MSANTD4: variants seen among roughly 807,000 people sequenced by gnomAD.
MSANTD4 encodes myb/SANT-like DNA-binding domain-containing protein 4.
In MSANTD4, 13 loss-of-function variants were observed where a neutral mutation model predicts 34.3. The ratio of observed to expected loss-of-function variants is 0.38; its 90% CI spans 0.25 to 0.60. The LOEUF is 0.60. Ranked by LOEUF, MSANTD4 falls within the 20% of genes least tolerant of loss-of-function variation. The pLI, the probability that MSANTD4 is intolerant of heterozygous loss-of-function variation, is 0.63. For missense variants in MSANTD4, 358 were observed against 401.8 expected (o/e 0.89, Z 0.93); for synonymous variants, 137 against 145.2 (o/e 0.94, Z 0.41).
At position 106,009,767 on chromosome 11, in the gene MSANTD4, A is replaced by T. The variant is rs1329579288; in HGVS notation, c.806T>A (p.Val269Asp). 1.2e-6 allele frequency: 2 copies of T among 1,614,008 alleles called. No individual in the cohort carries two copies. Among genetic ancestry groups the T allele is most frequent in the Non-Finnish European group, 1.7e-6 (2 of 1,180,032 alleles). Reference sequence around the variant, plus strand: ...TTCCAAGGACGGTTTCTCTGAATTGACTATCTGTAACCTCAACTTTTCTCT... The same window carrying T: ...TTCCAAGGACGGTTTCTCTGAATTGTCTATCTGTAACCTCAACTTTTCTCT... ...IEREKLRLQI[V>D]NSEKPSLENE... The change falls in exon 3 of 3, where the codon GTC (valine) becomes GAC (aspartate). Residue 269 changes from valine (V) to aspartate (D), a missense_variant. Transcript: ENST00000301919.
intron 2 of MSANTD4, 35 bp from the exon 3 acceptor site, chr11:106,010,145 A>C: frequency 6.7e-7 from 1 of 1,494,244 alleles, no homozygotes; most frequent in Non-Finnish European, 8.9e-7. Context: ...TTCAGTATTG[A>C]CTTCTACTTT....
At chr11:106,014,052 A>G (rs997550492) in intron 1 of MSANTD4, among the ~76,000 whole-genome samples, 1 of 152,228 alleles carries the variant, frequency 6.6e-6, no homozygotes, top group African/African-American at 2.4e-5. Flanking sequence ...CTAAGCAGAC[A>G]AAACCAGTTA....
chr11:106,015,068 C>T (rs886889328), intron 1 of MSANTD4, among the ~76,000 whole-genome samples: 13 of 152,110 alleles, frequency 8.5e-5, no homozygotes, highest in African/African-American at 2.7e-4. Flanking sequence ...CCAACAATAG[C>T]ACTCTTGATA....
At position 106,009,527 on chromosome 11, in the gene MSANTD4, TGGA is replaced by T. The variant is rs777117255; in HGVS notation, c.*5_*7del. The T allele has an allele frequency of 1.2e-5, 19 of 1,578,002 alleles. No individual in the cohort carries two copies. The highest frequency in any genetic ancestry group is 1.6e-5 in the Non-Finnish European group (19 of 1,163,818). On this transcript the variant is annotated 3_prime_UTR_variant, in exon 3 of 3. Coordinates refer to ENST00000301919, the MANE Select transcript of MSANTD4 (RefSeq NM_032424.3). ...TTCAAACATTTGCTAAATGGAAGCC[TGGA>T]AAAATCACTGCAAGTGTCCTTCTTT...
At chr11:106,020,820 T>C (rs1860011330) in intron 1 of MSANTD4, 142 bp downstream of exon 1, 1 of 152,208 alleles carries the variant, frequency 6.6e-6, no homozygotes. Context: ...CTGAAATTGA[T>C]ATTGGGATGC....
intron 1 of MSANTD4, among the ~76,000 whole-genome samples, chr11:106,018,337 T>G (rs540737694): frequency 6.6e-6 from 1 of 152,284 alleles, no homozygotes; most frequent in Non-Finnish European, 1.5e-5. Flanking sequence ...CAATAGAACA[T>G]GTATTTAGTA....
Position 106,009,376 on chromosome 11 carries a change from T to C in MSANTD4, c.*159A>G, listed in dbSNP as rs562588874. ...TGTTTACGCTAGGGCACAGCTTTTA[T>C]ATACTACTTAGGCATACAGTTATCC... On this transcript the variant is annotated 3_prime_UTR_variant, in exon 3 of 3. Transcript: ENST00000301919. 10 of 655,946 alleles carry C rather than the reference T, an allele frequency of 1.5e-5. No homozygotes were observed. Among genetic ancestry groups the C allele is most frequent in the Middle Eastern group, 3.0e-4 (1 of 3,318 alleles). 40.6% of individuals were successfully genotyped at this position (655,946 alleles called of 1,614,324 possible).
At position 106,011,136 on chromosome 11, in the gene MSANTD4, T is replaced by TA. The variant is rs1476555315; in HGVS notation, c.-150-70dup. On this transcript the variant is annotated intron_variant, in intron 1 of 2. Transcript: ENST00000301919. The stretch of plus-strand genomic sequence containing the variant: ...TACAACATACTTCAACCTAATGAAC[T>TA]ATATAATTTTTAAGAGAAACAAAAA... The TA allele has an allele frequency of 3.1e-5, 21 of 671,018 alleles. No individual in the cohort carries two copies. In the African/African-American group the frequency reaches 3.5e-4, roughly 11 times the overall value. 41.6% of individuals were successfully genotyped at this position (671,018 alleles called of 1,614,324 possible).
chr11:106,010,146 CTT>C (rs776240113), intron 2 of MSANTD4, 36 bp from the exon 3 acceptor site: 105 of 1,492,982 alleles, frequency 7.0e-5, no homozygotes, highest in Non-Finnish European at 9.0e-5. Context: ...TCAGTATTGA[CTT>C]CTACTTTGTG....
rs1271737791 is a variant in MSANTD4 at position 106,021,021 on chromosome 11, A to G, written c.-210T>C. The G allele has an allele frequency of 6.6e-6, 1 of 152,190 alleles. No homozygotes were observed. The highest frequency in any genetic ancestry group is 2.4e-5 in the African/African-American group (1 of 41,436). 9.4% of individuals were successfully genotyped at this position (152,190 alleles called of 1,614,324 possible). ...CCTGTCCTCTCCTTTATATGCCGGT[A>G]TCCAAGTAACAGAAGCTTGGGTTTT... is the stretch of plus-strand genomic sequence containing the variant. On this transcript the variant is annotated 5_prime_UTR_variant, in exon 1 of 3. Coordinates refer to ENST00000301919, the MANE Select transcript of MSANTD4 (RefSeq NM_032424.3).
intron 2 of MSANTD4, 62 bp downstream of exon 2, chr11:106,010,394 A>G: frequency 1.3e-6 from 2 of 1,524,850 alleles, no homozygotes; most frequent in Non-Finnish European, 1.7e-6. Flanking sequence ...ACAGTTCCTG[A>G]ACAATAATCT....
rs773755737 is a variant in MSANTD4 at position 106,009,825 on chromosome 11, G to T, written c.748C>A (p.Leu250Ile). Residue 250 changes from leucine to isoleucine, a missense_variant, in exon 3 of 3, where the codon CTT (leucine) becomes ATT (isoleucine). Physicochemically the swap from Leu to Ile is conservative, Grantham distance 5 (BLOSUM62 2). Coordinates refer to ENST00000301919, the MANE Select transcript of MSANTD4 (RefSeq NM_032424.3). ...TGCAGCCGCTCCTTCTCTAGCTGAA[G>T]CCGCTCATGTTCCATGTCTAAATGC... ...LRHLDMEHER[L>I]QLEKERLQIE... is the part of the protein sequence containing the mutation. 1 of 1,614,158 alleles carries T rather than the reference G, an allele frequency of 6.2e-7. No individual in the cohort carries two copies. The highest frequency in any genetic ancestry group is 1.7e-5 in the Admixed American group (1 of 60,022).
chr11:106,009,384 T>C lies in MSANTD4; in HGVS notation c.*151A>G. The stretch of plus-strand genomic sequence containing the variant: ...CTAGGGCACAGCTTTTATATACTAC[T>C]TAGGCATACAGTTATCCACATATAA... On this transcript the variant is annotated 3_prime_UTR_variant, in exon 3 of 3. Coordinates refer to ENST00000301919, the MANE Select transcript of MSANTD4 (RefSeq NM_032424.3). 1.5e-6 allele frequency: 1 copy of C among 684,614 alleles called. No homozygotes were observed. 42.4% of individuals were successfully genotyped at this position (684,614 alleles called of 1,614,324 possible). A position where few individuals can be genotyped will look rare whatever the true frequency, so the allele number is the denominator to read the frequency against.
At chr11:106,015,721 T>C (rs1859824905) in intron 1 of MSANTD4, among the ~76,000 whole-genome samples, 1 of 152,116 alleles carries the variant, frequency 6.6e-6, no homozygotes, top group South Asian at 2.1e-4. Context: ...TTTTTTTTTT[T>C]GAGTGGGCAG....
In MSANTD4 at chr11:106,009,463, C is replaced by T; in HGVS notation, c.*72G>A. On this transcript the variant is annotated 3_prime_UTR_variant, in exon 3 of 3. Coordinates refer to ENST00000301919, the MANE Select transcript of MSANTD4 (RefSeq NM_032424.3). ...CAAGAAACCACAGCTAATCCAGCAA[C>T]CATCATTATATCACCTGATATGAGA... 1 of 1,400,810 alleles carries T rather than the reference C, an allele frequency of 7.1e-7. No individual in the cohort carries two copies. Among genetic ancestry groups the T allele is most frequent in the South Asian group, 1.4e-5 (1 of 71,164 alleles). The allele number at this position is 1,400,810 out of a possible 1,614,324, so 86.8% of individuals were successfully genotyped here.
intron 1 of MSANTD4, among the ~76,000 whole-genome samples, chr11:106,016,630 G>A (rs1859858194): frequency 1.3e-5 from 2 of 152,154 alleles, no homozygotes; most frequent in Non-Finnish European, 2.9e-5. Flanking sequence ...AGTAAGTCAG[G>A]AAAACTGAAG....
At chr11:106,011,414 A>G (rs1591518678) in intron 1 of MSANTD4, among the ~76,000 whole-genome samples, 1 of 152,208 alleles carries the variant, frequency 6.6e-6, no homozygotes, top group East Asian at 1.9e-4. Context: ...GCCTTTGTCC[A>G]CACTGTTCCT....
intron 1 of MSANTD4, among the ~76,000 whole-genome samples, chr11:106,011,376 T>C (rs1859684315): frequency 6.6e-6 from 1 of 152,150 alleles, no homozygotes; most frequent in Non-Finnish European, 1.5e-5. Flanking sequence ...CAGCCACCTA[T>C]TCCTGTCAAA....
In MSANTD4 at chr11:106,014,112, C is replaced by A. The variant is rs115270071; in HGVS notation, c.-150-3045G>T. Among the ~76,000 whole-genome samples, 549 of 152,304 alleles carry A rather than the reference C, an allele frequency of 3.6e-3. 9 individuals are homozygous for A. Among genetic ancestry groups the A allele is most frequent in the African/African-American group, 0.012 (513 of 41,568 alleles). On this transcript the variant is annotated intron_variant, in intron 1 of 2. Coordinates refer to ENST00000301919, the MANE Select transcript of MSANTD4 (RefSeq NM_032424.3). ...GCTTCATTTGCAAACATATGCAACACTTAACTTGGGCTATTTTTTTGGTAA... is the reference window on the plus strand; with the variant it reads ...GCTTCATTTGCAAACATATGCAACAATTAACTTGGGCTATTTTTTTGGTAA...
Sources: allele counts gnomAD v4.1 joint callset (sites outside exome capture counted in the v4.1 genomes callset), GRCh38; gene constraint gnomAD v4.1.1; transcripts MANE v1.5; gene names NCBI Gene and HGNC (gene_info 2026-07-23, HGNC 2026-07-21).